Variants in ABI3BP observed in about 807,000 individuals in gnomAD.
ABI3BP encodes the protein ABI family member 3 binding protein.
ABI3BP carries 216 observed loss-of-function variants against 268.6 expected under a neutral mutation model. The observed-to-expected ratio is 0.80, with a 90% confidence interval of 0.72 to 0.90. The LOEUF is 0.90. ABI3BP is among the 40% of genes least tolerant of loss of function. ABI3BP has a pLI of 0.00. For missense variants in ABI3BP, 2,090 were observed against 2,182.4 expected (o/e 0.96, Z 0.84); for synonymous variants, 730 against 730.0 (o/e 1.00, Z 0.00).
At chr3:100,820,109 T>A in intron 40 of ABI3BP, 111 bp downstream of exon 40, 1 of 897,356 alleles carries the variant, frequency 1.1e-6, no homozygotes, top group Non-Finnish European at 1.7e-6. Flanking sequence ...ACATCTTTTG[T>A]GCCTTCATCC....
intron 1 of ABI3BP, among the ~76,000 whole-genome samples, chr3:100,987,697 T>G (rs1290734424): frequency 6.6e-6 from 1 of 152,228 alleles, no homozygotes; most frequent in Non-Finnish European, 1.5e-5. Context: ...TGGAAAATTT[T>G]TATGCAGCAA....
At chr3:100,912,999 G>A (rs777709041) in intron 2 of ABI3BP, among the ~76,000 whole-genome samples, 1 of 152,192 alleles carries the variant, frequency 6.6e-6, no homozygotes, top group East Asian at 1.9e-4. Flanking sequence ...CACTGAAGAA[G>A]TCAGTCTAGG....
intron 1 of ABI3BP, among the ~76,000 whole-genome samples, chr3:100,976,331 A>T (rs1282838492): frequency 6.6e-6 from 1 of 152,126 alleles, no homozygotes; most frequent in African/African-American, 2.4e-5. Context: ...TTGATAAAAC[A>T]CTTCTGGAAA....
chr3:100,836,958 G>C (rs538896463), intron 27 of ABI3BP, among the ~76,000 whole-genome samples, 166 bp downstream of exon 27: 1 of 152,202 alleles, frequency 6.6e-6, no homozygotes, highest in Non-Finnish European at 1.5e-5. Context: ...GCAGATGTAA[G>C]GATGCCTAAT....
chr3:100,763,063 G>A (rs1026075825), intron 63 of ABI3BP, among the ~76,000 whole-genome samples: 1 of 152,216 alleles, frequency 6.6e-6, no homozygotes, highest in Middle Eastern at 3.4e-3. Context: ...ACATATAATA[G>A]ACACACTGAA....
intron 1 of ABI3BP, among the ~76,000 whole-genome samples, chr3:100,986,749 A>T (rs549846707): frequency 6.6e-6 from 1 of 152,240 alleles, no homozygotes; most frequent in South Asian, 2.1e-4. Context: ...TTACACTAAT[A>T]TACTCTTTAA....
chr3:100,837,214 G>A, intron 26 of ABI3BP, 43 bp from the exon 27 acceptor site: 4 of 1,494,720 alleles, frequency 2.7e-6, no homozygotes, highest in Non-Finnish European at 3.6e-6. Context: ...TAAAAGCAAG[G>A]AAGTCTAAAC....
At chr3:100,888,016 CA>C (rs933592559) in intron 4 of ABI3BP, among the ~76,000 whole-genome samples, 1 of 151,992 alleles carries the variant, frequency 6.6e-6, no homozygotes, top group Admixed American at 6.6e-5. Context: ...ATGAAGTCAG[CA>C]GGGGGTTTGT....
At chr3:100,964,299 G>C (rs142436825) in intron 1 of ABI3BP, among the ~76,000 whole-genome samples, 6 of 152,254 alleles carry the variant, frequency 3.9e-5, no homozygotes, top group African/African-American at 1.4e-4. Context: ...TAGGGGTTGG[G>C]GGACCAGCCT....
At chr3:100,964,871 G>T (rs904267143) in intron 1 of ABI3BP, among the ~76,000 whole-genome samples, 16 of 152,182 alleles carry the variant, frequency 1.1e-4, no homozygotes, top group Admixed American at 8.5e-4. Flanking sequence ...CTCACTGGTT[G>T]TACCAGCCTC....
chr3:100,969,610 A>C (rs2153863401), intron 1 of ABI3BP, among the ~76,000 whole-genome samples: 1 of 152,282 alleles, frequency 6.6e-6, no homozygotes, highest in African/African-American at 2.4e-5. Flanking sequence ...GGAGAAAAAA[A>C]CCCTACACTA....
At chr3:100,941,005 A>C (rs970820463) in intron 1 of ABI3BP, among the ~76,000 whole-genome samples, 2 of 150,480 alleles carry the variant, frequency 1.3e-5, no homozygotes, top group Admixed American at 1.3e-4. Flanking sequence ...AAATAAAGCA[A>C]GATTTGTATA....
chr3:100,842,051 G>A lies in ABI3BP; in HGVS notation c.1724-12C>T, dbSNP rs1324282780. The A allele has an allele frequency of 2.0e-6, 3 of 1,532,232 alleles. No homozygotes were observed. Among genetic ancestry groups the A allele is most frequent in the Admixed American group, 3.9e-5 (2 of 50,942 alleles). 94.9% of individuals were successfully genotyped at this position (1,532,232 alleles called of 1,614,324 possible). ...CTGAGGTTCTGGGGCTGTAATAAAA[G>A]CAAGTAATATCAAAAGCAATGCTGA... On this transcript the variant is annotated splice_polypyrimidine_tract_variant and intron_variant, in intron 20 of 67. Transcript: ENST00000471714.
In ABI3BP at chr3:100,834,756, G is replaced by A. The variant is rs529840844; in HGVS notation, c.2209C>T (p.Arg737Ter). ...GGACGTGGACGACGTGTTCTTGTTC[G>A]TTGCGATGTTTTTGGAGCTAAAGAA... ...VTTLAPKTSQ[R>*]TRTRRPRPKH... Residue 737 changes from arginine (R) to a stop codon, truncating the protein, a stop_gained, in exon 29 of 68, where the codon CGA (arginine) becomes TGA (stop). Coordinates refer to ENST00000471714, the MANE Select transcript of ABI3BP (RefSeq NM_001375547.2). LOFTEE classifies it high-confidence loss of function. The A allele has an allele frequency of 7.2e-5, 110 of 1,535,614 alleles. No individual in the cohort carries two copies. Among genetic ancestry groups the A allele is most frequent in the South Asian group, 1.9e-4 (16 of 84,056 alleles).
At chr3:100,789,657 T>C (rs774996211) in intron 55 of ABI3BP, 141 bp from the exon 56 acceptor site, 14 of 700,104 alleles carry the variant, frequency 2.0e-5, no homozygotes, top group Non-Finnish European at 3.0e-5. Flanking sequence ...TTATGCATTA[T>C]AGACTTCACG....
chr3:100,954,361 AT>A (rs2076118625), intron 1 of ABI3BP, among the ~76,000 whole-genome samples: 1 of 152,148 alleles, frequency 6.6e-6, no homozygotes, highest in African/African-American at 2.4e-5. Flanking sequence ...GAATCATGAA[AT>A]CTTGGAATTA....
intron 51 of ABI3BP, among the ~76,000 whole-genome samples, chr3:100,801,969 G>A (rs1414009393): frequency 6.6e-6 from 1 of 152,068 alleles, no homozygotes; most frequent in African/African-American, 2.4e-5. Flanking sequence ...ACATTTATTA[G>A]GTGAATGTCC....
intron 9 of ABI3BP, among the ~76,000 whole-genome samples, chr3:100,868,045 T>A (rs1446408498): frequency 6.6e-6 from 1 of 152,238 alleles, no homozygotes; most frequent in Non-Finnish European, 1.5e-5. Context: ...AATCATAATA[T>A]TACCTGCTCA....
chr3:100,990,223 C>T (rs993950059), intron 1 of ABI3BP, among the ~76,000 whole-genome samples: 4 of 152,148 alleles, frequency 2.6e-5, no homozygotes, highest in African/African-American at 9.7e-5. Context: ...GCATGTTTTT[C>T]AACATTGATC....
Sources: gnomAD v4.1 joint callset for allele counts (sites outside exome capture counted in the v4.1 genomes callset) on GRCh38, gnomAD v4.1.1 for gene constraint, MANE v1.5 for transcripts, NCBI Gene and HGNC (gene_info 2026-07-23, HGNC 2026-07-21) for gene names.